RALB: variants seen among roughly 807,000 people sequenced by gnomAD.
RALB encodes the protein ras-related protein Ral-B.
Under a neutral mutation model 21.3 loss-of-function variants are expected in RALB, and 16 were observed. That is an observed-to-expected ratio of 0.75 (90% CI 0.51 to 1.14). The LOEUF is 1.14. Among genes scored for constraint, RALB ranks in the 50% most tolerant of loss-of-function variants. The probability of loss-of-function intolerance (pLI) is 0.00; values close to 1 mark genes in which losing one functional copy is unlikely to be tolerated. For synonymous variants in RALB, 93 were observed against 96.1 expected, an observed-to-expected ratio of 0.97 and a Z score of 0.19; for missense variants, 161 against 256.2, an observed-to-expected ratio of 0.63 and a Z score of 2.54.
chr2:120,260,914 A>T (rs2104592902), intron 1 of RALB, among the ~76,000 whole-genome samples: 1 of 152,302 alleles, frequency 6.6e-6, no homozygotes, highest in Middle Eastern at 3.4e-3. Context: ...GTTGGATTGG[A>T]ATGGTTTCCG....
chr2:120,252,860 G>T lies in RALB; in HGVS notation c.-168G>T, dbSNP rs1255909798. On this transcript the variant is annotated 5_prime_UTR_variant, in exon 1 of 5. Coordinates refer to ENST00000272519, the MANE Select transcript of RALB (RefSeq NM_002881.3). ...GCGCGCTCGGGGGGTGGGAAAGCGA[G>T]CCCGGCAGCTCAATGACAAATCGGT... 9.1e-6 allele frequency: 9 copies of T among 985,534 alleles called. No individual in the cohort carries two copies. The highest frequency in any genetic ancestry group is 1.1e-5 in the Non-Finnish European group (9 of 830,120). The allele number at this position is 985,534 out of a possible 1,614,324, so 61.0% of individuals were successfully genotyped here.
chr2:120,290,547 G>A, intron 4 of RALB, among the ~76,000 whole-genome samples: 1 of 151,830 alleles, frequency 6.6e-6, no homozygotes, highest in African/African-American at 2.4e-5. Flanking sequence ...TCACCTTACT[G>A]TTCACTGACA....
intron 1 of RALB, among the ~76,000 whole-genome samples, chr2:120,272,521 A>G (rs1435064094): frequency 6.6e-6 from 1 of 152,232 alleles, no homozygotes; most frequent in African/African-American, 2.4e-5. Context: ...AAGTCCAGGC[A>G]GTGAGTGTAT....
intron 1 of RALB, among the ~76,000 whole-genome samples, chr2:120,275,439 T>C (rs896641823): frequency 6.6e-6 from 1 of 152,216 alleles, no homozygotes; most frequent in Non-Finnish European, 1.5e-5. Context: ...ATTCTAAGCC[T>C]TGGCTGCTCA....
intron 1 of RALB, among the ~76,000 whole-genome samples, chr2:120,278,217 C>G (rs1313746290): frequency 6.6e-6 from 1 of 152,112 alleles, no homozygotes; most frequent in South Asian, 2.1e-4. Context: ...AGCTAAAGAG[C>G]TGGGGATTGA....
chr2:120,284,710 TC>T (rs1397419369), intron 2 of RALB, among the ~76,000 whole-genome samples: 72 of 152,022 alleles, frequency 4.7e-4, no homozygotes, highest in Non-Finnish European at 1.6e-4. Flanking sequence ...TGTGCAACCA[TC>T]ACCATTATCT....
At chr2:120,290,484 C>T (rs945174688) in intron 4 of RALB, among the ~76,000 whole-genome samples, 2 of 152,192 alleles carry the variant, frequency 1.3e-5, no homozygotes, top group East Asian at 1.9e-4. Flanking sequence ...TTGAAAGATA[C>T]GTGGAGCTTC....
intron 3 of RALB, among the ~76,000 whole-genome samples, chr2:120,287,092 A>C (rs1690183767): frequency 6.6e-6 from 1 of 152,150 alleles, no homozygotes; most frequent in Non-Finnish European, 1.5e-5. Context: ...AAGAGAAAAA[A>C]CCCAAAAATC....
intron 2 of RALB, among the ~76,000 whole-genome samples, chr2:120,279,012 G>A (rs1437564437): frequency 2.0e-5 from 3 of 152,166 alleles, no homozygotes; most frequent in Non-Finnish European, 4.4e-5. Context: ...TGCTTGCATC[G>A]TTTCCATTGT....
intron 2 of RALB, among the ~76,000 whole-genome samples, chr2:120,279,575 C>T (rs1019774689): frequency 3.9e-5 from 6 of 152,020 alleles, no homozygotes; most frequent in South Asian, 2.1e-4. Flanking sequence ...TTAAAGTGTA[C>T]GGGAGGATGT....
At chr2:120,282,807 C>T (rs1490477807) in intron 2 of RALB, among the ~76,000 whole-genome samples, 1 of 151,996 alleles carries the variant, frequency 6.6e-6, no homozygotes, top group Non-Finnish European at 1.5e-5. Context: ...GAGTTCTAAT[C>T]GATTTTCTAA....
At chr2:120,278,381 G>T (rs1689899997) in intron 1 of RALB, among the ~76,000 whole-genome samples, 1 of 152,176 alleles carries the variant, frequency 6.6e-6, no homozygotes, top group Non-Finnish European at 1.5e-5. Context: ...CAGTGAGGCG[G>T]GCGTGGGGTG....
intron 2 of RALB, chr2:120,280,714 G>GAAAA (rs35923227): frequency 4.3e-6 from 1 of 233,400 alleles, no homozygotes; most frequent in Non-Finnish European, 8.6e-6. Flanking sequence ...AAAGTAAAAA[G>GAAAA]AAAAAAAAAA....
intron 2 of RALB, among the ~76,000 whole-genome samples, chr2:120,279,363 A>C (rs905972111): frequency 3.3e-5 from 5 of 152,280 alleles, no homozygotes; most frequent in Admixed American, 1.3e-4. Flanking sequence ...GTTTGCTAGG[A>C]TACTTAGCCT....
At chr2:120,270,158 CCT>C (rs1211521029) in intron 1 of RALB, among the ~76,000 whole-genome samples, 1 of 151,966 alleles carries the variant, frequency 6.6e-6, no homozygotes, top group Non-Finnish European at 1.5e-5. Flanking sequence ...AATATTTTCT[CCT>C]TATCTGTTTG....
Position 120,252,871 on chromosome 2 carries a change from C to G in RALB, c.-157C>G. On this transcript the variant is annotated 5_prime_UTR_variant, in exon 1 of 5. Transcript: ENST00000272519. ...GGGTGGGAAAGCGAGCCCGGCAGCT[C>G]AATGACAAATCGGTGGAGGACGGCT... The G allele has an allele frequency of 1.0e-6, 1 of 985,534 alleles. No individual in the cohort carries two copies. Among genetic ancestry groups the G allele is most frequent in the African/African-American group, 1.7e-5 (1 of 57,346 alleles). The allele number at this position is 985,534 out of a possible 1,614,324, so 61.0% of individuals were successfully genotyped here. A position where few individuals can be genotyped will look rare whatever the true frequency, so the allele number is the denominator to read the frequency against.
intron 4 of RALB, among the ~76,000 whole-genome samples, chr2:120,291,699 G>A (rs112491989): frequency 1.8e-4 from 28 of 152,140 alleles, no homozygotes; most frequent in African/African-American, 6.3e-4. Context: ...CTTGTCTTTT[G>A]CTGTTAGGAC....
chr2:120,245,013 C>T (rs1253984393), intron 1 of RALB, among the ~76,000 whole-genome samples: 1 of 152,210 alleles, frequency 6.6e-6, no homozygotes, highest in Admixed American at 6.5e-5. Context: ...CTTTCGTCAG[C>T]CCTGGTGCCG....
rs543009738 is a variant in RALB at position 120,246,328 on chromosome 2, C to T, written c.19+6203C>T. Among the ~76,000 whole-genome samples, 7 of 152,202 alleles carry T rather than the reference C, an allele frequency of 4.6e-5. No homozygotes were observed. In the East Asian group the frequency reaches 1.4e-3, roughly 29 times the overall value. On this transcript the variant is annotated intron_variant, in intron 1 of 3. Transcript: ENST00000447591. ...GGGAGACAGAGGGGCATCCACTTGC[C>T]CTTTGAAGTGCACCCCATCCCTGCC...
Sources: gnomAD v4.1 joint callset for allele counts (sites outside exome capture counted in the v4.1 genomes callset) on GRCh38, gnomAD v4.1.1 for gene constraint, MANE v1.5 for transcripts, NCBI Gene and HGNC (gene_info 2026-07-23, HGNC 2026-07-21) for gene names.